The following THSD4 variants were observed in gnomAD, a reference collection of about 807,000 sequenced individuals.
THSD4 encodes the protein thrombospondin type 1 domain containing 4, also known as thrombospondin type-1 domain-containing protein 4.
In THSD4, 69 loss-of-function variants were observed where a neutral mutation model predicts 119.0. The ratio of observed to expected loss-of-function variants is 0.58; its 90% CI spans 0.48 to 0.71. The LOEUF is 0.71. Ranked by LOEUF, THSD4 falls within the 30% of genes least tolerant of loss-of-function variation. THSD4 has a pLI of 0.00. For missense variants in THSD4, 1,393 were observed against 1,391.1 expected (o/e 1.00, Z -0.02); for synonymous variants, 524 against 540.4 (o/e 0.97, Z 0.42).
Position 71,605,588 on chromosome 15 carries a change from G to C in THSD4, c.1153-54942G>C, listed in dbSNP as rs530675792. ...TGGGATAACAGCAAACCTTCAGCCT[G>C]AACAGGGGGAAGGATGAAGTAGCCA... On this transcript the variant is annotated intron_variant, in intron 7 of 17. Coordinates refer to ENST00000261862, the MANE Select transcript of THSD4 (RefSeq NM_024817.3). Among the ~76,000 whole-genome samples, 104 of 152,358 alleles carry C rather than the reference G, an allele frequency of 6.8e-4. 1 individual carries two copies. Among genetic ancestry groups the C allele is most frequent in the Non-Finnish European group, 1.2e-3 (81 of 68,034 alleles).
At chr15:71,647,063 C>A (rs1315891826) in intron 7 of THSD4, among the ~76,000 whole-genome samples, 1 of 152,096 alleles carries the variant, frequency 6.6e-6, no homozygotes, top group Non-Finnish European at 1.5e-5. Flanking sequence ...ATCTGGGGGG[C>A]ATGATTTAAA....
chr15:71,195,055 A>G (rs2043707862), intron 3 of THSD4, among the ~76,000 whole-genome samples: 1 of 152,172 alleles, frequency 6.6e-6, no homozygotes, highest in Non-Finnish European at 1.5e-5. Context: ...GTTTTTCCAA[A>G]TCAGTGAATA....
At chr15:71,335,216 C>T (rs895994624) in intron 6 of THSD4, among the ~76,000 whole-genome samples, 7 of 152,130 alleles carry the variant, frequency 4.6e-5, no homozygotes, top group African/African-American at 1.2e-4. Flanking sequence ...ACACAGCTCA[C>T]GTTCAGGAAA....
At chr15:71,378,330 T>C (rs1205094869) in intron 6 of THSD4, among the ~76,000 whole-genome samples, 2 of 152,172 alleles carry the variant, frequency 1.3e-5, no homozygotes, top group East Asian at 3.9e-4. Flanking sequence ...GAAAGTGGCC[T>C]GGAGAGCTCC....
At chr15:71,107,741 A>G (rs1596201598) in intron 1 of THSD4, among the ~76,000 whole-genome samples, 2 of 152,356 alleles carry the variant, frequency 1.3e-5, no homozygotes, top group South Asian at 4.1e-4. Context: ...CGGACCAAGA[A>G]CAGACCAACT....
chr15:71,304,000 C>T (rs1381295877), intron 6 of THSD4, among the ~76,000 whole-genome samples: 1 of 152,088 alleles, frequency 6.6e-6, no homozygotes, highest in East Asian at 1.9e-4. Flanking sequence ...GGCAAGAAGT[C>T]GAGAAGGACA....
intron 1 of THSD4, among the ~76,000 whole-genome samples, chr15:71,120,409 T>G (rs984727731): frequency 5.3e-5 from 8 of 152,222 alleles, no homozygotes; most frequent in African/African-American, 1.9e-4. Flanking sequence ...CTACCAGCCT[T>G]TCCGAAGCTG....
chr15:71,754,081 T>C (rs1216873568), intron 14 of THSD4, among the ~76,000 whole-genome samples: 3 of 4,304 alleles, frequency 7.0e-4, no homozygotes, highest in African/African-American at 1.1e-3. Flanking sequence ...CTTTTATTCT[T>C]TTTTTTTTTT....
chr15:71,570,315 T>C (rs1388357632), intron 7 of THSD4, among the ~76,000 whole-genome samples: 1 of 152,182 alleles, frequency 6.6e-6, no homozygotes, highest in Admixed American at 6.5e-5. Context: ...GAGATATTGG[T>C]CAGGAAAATA....
intron 7 of THSD4, among the ~76,000 whole-genome samples, chr15:71,592,426 G>C (rs1223455813): frequency 2.0e-5 from 3 of 152,182 alleles, no homozygotes; most frequent in South Asian, 2.1e-4. Flanking sequence ...GCTGTTACTT[G>C]TCTGTAGAGG....
chr15:71,388,598 C>T (rs760303766), intron 6 of THSD4, among the ~76,000 whole-genome samples: 2 of 151,896 alleles, frequency 1.3e-5, no homozygotes, highest in African/African-American at 2.4e-5. Flanking sequence ...ATCTCAGCTA[C>T]TCTAATTTGC....
intron 7 of THSD4, among the ~76,000 whole-genome samples, chr15:71,626,057 A>G (rs577061889): frequency 6.6e-6 from 1 of 152,312 alleles, no homozygotes; most frequent in African/African-American, 2.4e-5. Flanking sequence ...AAGATCTTAT[A>G]CAGTGTTTGT....
intron 8 of THSD4, among the ~76,000 whole-genome samples, chr15:71,727,756 C>T (rs1595894780): frequency 1.8e-5 from 1 of 54,464 alleles, no homozygotes; most frequent in Non-Finnish European, 3.6e-5. Flanking sequence ...GGCGATGGAG[C>T]AAGACCCTGT....
intron 3 of THSD4, among the ~76,000 whole-genome samples, chr15:71,199,880 GTGCAT>G (rs2043781153): frequency 2.7e-5 from 1 of 37,026 alleles, no homozygotes; most frequent in Non-Finnish European, 1.2e-4. Flanking sequence ...TGTGTGTGTG[GTGCAT>G]GTGTGGTATG....
At chr15:71,244,776 G>A (rs938451848) in intron 5 of THSD4, among the ~76,000 whole-genome samples, 16 of 152,184 alleles carry the variant, frequency 1.1e-4, no homozygotes, top group Non-Finnish European at 2.2e-4. Flanking sequence ...ACATGCCCTT[G>A]TTCCTGAATA....
intron 7 of THSD4, among the ~76,000 whole-genome samples, chr15:71,508,364 C>T (rs1184601805): frequency 1.3e-5 from 2 of 152,224 alleles, no homozygotes; most frequent in African/African-American, 4.8e-5. Flanking sequence ...AAACCTGAGT[C>T]CAGCTGCCAA....
intron 7 of THSD4, among the ~76,000 whole-genome samples, chr15:71,576,548 ACTT>A (rs1052390118): frequency 2.0e-5 from 3 of 152,118 alleles, no homozygotes; most frequent in South Asian, 4.1e-4. Flanking sequence ...TTAAAAATCT[ACTT>A]CTGCCTTCAT....
chr15:71,600,362 C>T (rs2049983619), intron 7 of THSD4, among the ~76,000 whole-genome samples: 1 of 152,166 alleles, frequency 6.6e-6, no homozygotes, highest in African/African-American at 2.4e-5. Flanking sequence ...TTTGTTTGCT[C>T]TTCTCTTGGA....
intron 7 of THSD4, among the ~76,000 whole-genome samples, chr15:71,438,607 C>T (rs2047047494): frequency 6.6e-6 from 1 of 152,104 alleles, no homozygotes; most frequent in Non-Finnish European, 1.5e-5. Flanking sequence ...ACCCAATTAC[C>T]TAAACCATAA....
Sources: gnomAD v4.1 joint callset for allele counts (sites outside exome capture counted in the v4.1 genomes callset) on GRCh38, gnomAD v4.1.1 for gene constraint, MANE v1.5 for transcripts, NCBI Gene and HGNC (gene_info 2026-07-23, HGNC 2026-07-21) for gene names.